The following GRXCR2 variants were observed in gnomAD, a reference collection of about 807,000 sequenced individuals.
GRXCR2 encodes the protein glutaredoxin domain-containing cysteine-rich protein 2.
In GRXCR2, 23 loss-of-function variants were observed where a neutral mutation model predicts 24.8. The ratio of observed to expected loss-of-function variants is 0.93; its 90% CI spans 0.67 to 1.32. The LOEUF is 1.32. Ranked by LOEUF, GRXCR2 falls within the 40% of genes most tolerant of loss-of-function variation. The pLI is 0.00. For missense variants in GRXCR2, 315 were observed against 303.4 expected (o/e 1.04, Z -0.28); for synonymous variants, 130 against 116.1 (o/e 1.12, Z -0.77).
rs1756278758 is a variant in GRXCR2 at position 145,858,572 on chromosome 5, T to C, written c.*1161A>G. 1 of 152,224 alleles carries C rather than the reference T, an allele frequency of 6.6e-6. No homozygotes were observed. Among genetic ancestry groups the C allele is most frequent in the African/African-American group, 2.4e-5 (1 of 41,464 alleles). The allele number at this position is 152,224 out of a possible 1,614,324, so 9.4% of individuals were successfully genotyped here. A position where few individuals can be genotyped will look rare whatever the true frequency, so the allele number is the denominator to read the frequency against. On this transcript the variant is annotated 3_prime_UTR_variant, in exon 3 of 3. Transcript: ENST00000377976. Reference sequence around the variant, plus strand: ...TTTATATTGCCTGAAAAGCATTCCATTGTTAAATTATGTTAAACGCTGAAT... The same window carrying C: ...TTTATATTGCCTGAAAAGCATTCCACTGTTAAATTATGTTAAACGCTGAAT...
In GRXCR2 at chr5:145,872,658, T is replaced by A; in HGVS notation, c.311A>T (p.Asn104Ile). The A allele has an allele frequency of 6.2e-7, 1 of 1,605,940 alleles. No homozygotes were observed. ...YTLAGGQPRF[N>I]DYKANDHKPL... ...CTTATGGTCATTCGCCTTGTAATCG[T>A]TGAACCGAGGCTGGCCGCCTGCCAA... is the stretch of plus-strand genomic sequence containing the variant. Residue 104 changes from asparagine (N) to isoleucine (I), a missense_variant, in exon 1 of 3, where the codon AAC becomes ATC. Physicochemically the swap from Asn to Ile is moderately radical, Grantham distance 149. Transcript: ENST00000377976.
intron 2 of GRXCR2, among the ~76,000 whole-genome samples, chr5:145,923,434 C>T (rs1339292865): frequency 2.6e-5 from 4 of 152,162 alleles, no homozygotes; most frequent in African/African-American, 7.2e-5. Flanking sequence ...AGCGGTTTCA[C>T]ATGACTGGAA....
chr5:145,923,343 C>G lies in GRXCR2; in HGVS notation c.-70+12358G>C, dbSNP rs184963403. ...TAGGGGGTGATAAGCAATGAGCCTG[C>G]AAGAAAAAATGCAGCTAACAGATGA... On this transcript the variant is annotated intron_variant, in intron 2 of 3. Coordinates refer to the GRXCR2 transcript ENST00000639411. 7.6e-4 allele frequency among the ~76,000 whole-genome samples: 116 copies of G among 151,954 alleles called. 1 individual carries two copies. The highest frequency in any genetic ancestry group is 2.7e-3 in the African/African-American group (111 of 41,298).
At chr5:145,894,332 A>C (rs891275285) in intron 2 of GRXCR2, among the ~76,000 whole-genome samples, 1 of 152,218 alleles carries the variant, frequency 6.6e-6, no homozygotes, top group African/African-American at 2.4e-5. Flanking sequence ...CAAAAAATCA[A>C]TGAATCCAGG....
At chr5:145,879,903 A>T (rs193210504) in intron 2 of GRXCR2, among the ~76,000 whole-genome samples, 276 of 152,320 alleles carry the variant, frequency 1.8e-3, no homozygotes, top group African/African-American at 5.9e-3. Flanking sequence ...TCAAAACCGC[A>T]CAACTACATG....
chr5:145,871,748 A>T (rs1041065631), intron 1 of GRXCR2, among the ~76,000 whole-genome samples: 13 of 152,240 alleles, frequency 8.5e-5, no homozygotes, highest in Non-Finnish European at 1.6e-4. Context: ...GAAACTAACA[A>T]TAAAAATAAT....
chr5:145,916,577 T>C (rs1757244611), intron 2 of GRXCR2, among the ~76,000 whole-genome samples: 1 of 152,014 alleles, frequency 6.6e-6, no homozygotes. Context: ...TTTTGAAGAG[T>C]TTCATTTGAA....
At chr5:145,869,105 GT>G (rs1445253939) in intron 1 of GRXCR2, among the ~76,000 whole-genome samples, 1 of 152,220 alleles carries the variant, frequency 6.6e-6, no homozygotes, top group Non-Finnish European at 1.5e-5. Flanking sequence ...CCACTGCTCT[GT>G]TTTTAAATGC....
intron 2 of GRXCR2, among the ~76,000 whole-genome samples, chr5:145,888,128 C>G (rs1278695561): frequency 6.6e-6 from 1 of 152,130 alleles, no homozygotes; most frequent in African/African-American, 2.4e-5. Flanking sequence ...AGCCACTGCT[C>G]TAGTAAGCAT....
Position 145,872,821 on chromosome 5 carries a change from G to T in GRXCR2, c.148C>A (p.Pro50Thr), listed in dbSNP as rs760891258. 5 of 1,614,078 alleles carry T rather than the reference G, an allele frequency of 3.1e-6. No homozygotes were observed. The highest frequency in any genetic ancestry group is 4.5e-5 in the East Asian group (2 of 44,864). ...AGAGACTCTTGCAGAAAACTGTGAG[G>T]GTATTCCTCCTTTGGTGACTCTAAT... is the stretch of plus-strand genomic sequence containing the variant. ...QELESPKEEY[P>T]HSFLQESLET... The change falls in exon 1 of 3, where the codon CCT becomes ACT. Residue 50 changes from proline (P) to threonine (T), a missense_variant. Coordinates refer to ENST00000377976, the MANE Select transcript of GRXCR2 (RefSeq NM_001080516.2).
chr5:145,920,974 C>A (rs1013036439), intron 2 of GRXCR2, among the ~76,000 whole-genome samples: 1 of 152,258 alleles, frequency 6.6e-6, no homozygotes, highest in Non-Finnish European at 1.5e-5. Context: ...TGTCAGCCCA[C>A]TGATCTTGGA....
In GRXCR2 at chr5:145,868,429, T is replaced by G. The variant is rs139162403; in HGVS notation, c.337-1701A>C. Among the ~76,000 whole-genome samples, 111 of 152,314 alleles carry G rather than the reference T, an allele frequency of 7.3e-4. 1 individual carries two copies. The highest frequency in any genetic ancestry group is 2.5e-3 in the African/African-American group (106 of 41,576). ...ACACCCATGGAGTTTTCAATAATTA[T>G]TTATTAAGCCACAAGCTTCCTATCT... On this transcript the variant is annotated intron_variant, in intron 1 of 2. Coordinates refer to ENST00000377976, the MANE Select transcript of GRXCR2 (RefSeq NM_001080516.2).
chr5:145,860,651 C>G (rs755671676), intron 2 of GRXCR2, among the ~76,000 whole-genome samples: 26 of 152,154 alleles, frequency 1.7e-4, no homozygotes, highest in Non-Finnish European at 3.4e-4. Flanking sequence ...TATCTTTATT[C>G]TCTTTGAGAG....
chr5:145,925,400 A>T (rs1010791323), intron 2 of GRXCR2, among the ~76,000 whole-genome samples: 14 of 152,206 alleles, frequency 9.2e-5, no homozygotes, highest in African/African-American at 3.4e-4. Flanking sequence ...TCCTTATGAC[A>T]AGCCTGGGAA....
At chr5:145,886,288 T>G (rs1186006404) in intron 2 of GRXCR2, among the ~76,000 whole-genome samples, 8 of 152,330 alleles carry the variant, frequency 5.3e-5, no homozygotes, top group Non-Finnish European at 1.0e-4. Flanking sequence ...AATGGAGAGA[T>G]AGGCCAGTTT....
chr5:145,921,196 A>C (rs2149928737), intron 2 of GRXCR2, among the ~76,000 whole-genome samples: 1 of 152,342 alleles, frequency 6.6e-6, no homozygotes, highest in East Asian at 1.9e-4. Context: ...ACACTCAGTA[A>C]GTTGCAGGGA....
upstream of GRXCR2, among the ~76,000 whole-genome samples, chr5:145,875,150 C>T (rs530698990): frequency 2.0e-5 from 3 of 152,150 alleles, no homozygotes; most frequent in African/African-American, 4.8e-5. Context: ...TATCAAAGTG[C>T]CCAGTACATA....
At chr5:145,873,402 T>C (rs1464150743), upstream of GRXCR2, among the ~76,000 whole-genome samples, 1 of 152,254 alleles carries the variant, frequency 6.6e-6, no homozygotes, top group African/African-American at 2.4e-5. Flanking sequence ...GATTGTTACA[T>C]GCATTATTTT....
intron 2 of GRXCR2, among the ~76,000 whole-genome samples, chr5:145,921,403 G>A (rs1427600014): frequency 6.6e-6 from 1 of 152,166 alleles, no homozygotes; most frequent in Non-Finnish European, 1.5e-5. Context: ...GACTTTGACA[G>A]CATCACCAGT....
Sources: gnomAD v4.1 joint callset for allele counts (sites outside exome capture counted in the v4.1 genomes callset) on GRCh38, gnomAD v4.1.1 for gene constraint, MANE v1.5 for transcripts, NCBI Gene and HGNC (gene_info 2026-07-23, HGNC 2026-07-21) for gene names.